The following COL24A1 variants were observed in gnomAD, a reference collection of about 807,000 sequenced individuals.
COL24A1 encodes the protein collagen alpha-1(XXIV) chain.
COL24A1 carries 224 observed loss-of-function variants against 253.9 expected under a neutral mutation model. The ratio of observed to expected loss-of-function variants is 0.88; its 90% CI spans 0.79 to 0.99. The LOEUF is 0.99. Ranked by LOEUF, COL24A1 falls within the 50% of genes least tolerant of loss-of-function variation. The pLI is 0.00. For missense variants in COL24A1, 2,131 were observed against 2,068.5 expected (o/e 1.03, Z -0.59); for synonymous variants, 685 against 673.7 (o/e 1.02, Z -0.26).
chr1:85,755,925 T>A (rs1468724513), intron 55 of COL24A1, among the ~76,000 whole-genome samples: 2 of 143,130 alleles, frequency 1.4e-5, no homozygotes, highest in Admixed American at 7.0e-5. Context: ...AAAAAACTTC[T>A]GTGCATCAAG....
chr1:86,112,737 G>C, intron 4 of COL24A1, 117 bp from the exon 5 acceptor site: 2 of 901,828 alleles, frequency 2.2e-6, no homozygotes, highest in Non-Finnish European at 3.4e-6. Context: ...TTTTGCTTAT[G>C]TTATTATGTA....
intron 32 of COL24A1, 27 bp from the exon 33 acceptor site, chr1:85,877,202 G>C: frequency 1.3e-6 from 2 of 1,531,946 alleles, no homozygotes; most frequent in Non-Finnish European, 8.8e-7. Context: ...TTTAAGATAT[G>C]AGAATAAAAG....
At chr1:85,882,462 TCAAAAAACAAAAAA>T (rs532970375) in intron 32 of COL24A1, among the ~76,000 whole-genome samples, 5 of 152,032 alleles carry the variant, frequency 3.3e-5, no homozygotes, top group South Asian at 4.2e-4. Flanking sequence ...AGACTCCGTC[TCAAAAAACAAAAAA>T]CAAAAAACAA....
intron 52 of COL24A1, among the ~76,000 whole-genome samples, chr1:85,776,397 G>A (rs61783134): frequency 6.6e-6 from 1 of 151,890 alleles, no homozygotes; most frequent in Non-Finnish European, 1.5e-5. Context: ...CACTTGAAAC[G>A]AATGTAGTTT....
intron 1 of COL24A1, chr1:86,154,722 A>AG (rs1326528476): frequency 6.5e-6 from 1 of 152,786 alleles, no homozygotes; most frequent in African/African-American, 2.4e-5. Flanking sequence ...ACAACTACCA[A>AG]GGGGAGTGTT....
intron 24 of COL24A1, among the ~76,000 whole-genome samples, chr1:85,934,542 A>T (rs1688087993): frequency 6.6e-6 from 1 of 152,162 alleles, no homozygotes; most frequent in Admixed American, 6.6e-5. Flanking sequence ...ATTAGTTATT[A>T]TCTATCATGA....
At chr1:85,763,760 G>T (rs1245823440) in intron 53 of COL24A1, among the ~76,000 whole-genome samples, 1 of 152,004 alleles carries the variant, frequency 6.6e-6, no homozygotes, top group African/African-American at 2.4e-5. Context: ...CTCCCAAAGT[G>T]CTGGGATTAC....
At chr1:85,971,514 C>A in intron 20 of COL24A1, 121 bp from the exon 21 acceptor site, 1 of 803,030 alleles carries the variant, frequency 1.2e-6, no homozygotes. Context: ...ATTAAGAAGT[C>A]CTCAAAATGG....
rs574662615 is a variant in COL24A1, at chr1:86,041,523, T to C, written c.1950+5302A>G. 7.9e-5 allele frequency among the ~76,000 whole-genome samples: 12 copies of C among 152,260 alleles called. 1 individual carries two copies. The highest frequency in any genetic ancestry group is 2.9e-4 in the African/African-American group (12 of 41,580). Reference sequence around the variant, plus strand: ...TGTAAATGCTTTTTTTAAAAGCAACTATAGAATTTCCTGATTGTAGCACTA... The same window carrying C: ...TGTAAATGCTTTTTTTAAAAGCAACCATAGAATTTCCTGATTGTAGCACTA... On this transcript the variant is annotated intron_variant, in intron 12 of 59. Transcript: ENST00000370571.
intron 55 of COL24A1, among the ~76,000 whole-genome samples, chr1:85,759,057 T>A (rs1666571996): frequency 6.6e-6 from 1 of 152,126 alleles, no homozygotes; most frequent in African/African-American, 2.4e-5. Context: ...TAAATTGGTC[T>A]TATGATCCGC....
Position 86,108,647 on chromosome 1 carries a change from AAAAT to A in COL24A1, c.1599+3916_1599+3919del, listed in dbSNP as rs1424851801. 8.0e-4 allele frequency among the ~76,000 whole-genome samples: 79 copies of A among 98,314 alleles called. No homozygotes were observed. In the Middle Eastern group the frequency reaches 0.024, roughly 30 times the overall value. The allele number at this position is 98,314 out of a possible 152,430, so 64.5% of individuals were successfully genotyped here. On this transcript the variant is annotated intron_variant, in intron 5 of 59. Transcript: ENST00000370571. ...AAAAAAAAAAAAAAAAAAAAAAAAAAAAATTTTAAATTAGCCAGGCATGGTGGCA... is the reference window on the plus strand; with the variant it reads ...AAAAAAAAAAAAAAAAAAAAAAAAAATTTAAATTAGCCAGGCATGGTGGCA...
chr1:86,006,528 A>T (rs899315147), intron 19 of COL24A1, among the ~76,000 whole-genome samples: 1 of 152,194 alleles, frequency 6.6e-6, no homozygotes, highest in Non-Finnish European at 1.5e-5. Context: ...TAGATCACAG[A>T]CCTAATGTAA....
At chr1:86,074,809 A>T (rs952768584) in intron 7 of COL24A1, among the ~76,000 whole-genome samples, 2 of 152,180 alleles carry the variant, frequency 1.3e-5, no homozygotes, top group African/African-American at 4.8e-5. Flanking sequence ...CTACTGGGTA[A>T]ATAACAAAAT....
chr1:86,051,290 T>C (rs550489282), intron 10 of COL24A1, among the ~76,000 whole-genome samples: 1 of 152,210 alleles, frequency 6.6e-6, no homozygotes, highest in South Asian at 2.1e-4. Context: ...AAGAGGGTCA[T>C]ACAAATAAAT....
Position 86,031,871 on chromosome 1 carries a change from TACTC to T in COL24A1, c.2049+3_2049+6del, listed in dbSNP as rs1559067189. On this transcript the variant is annotated splice_donor_5th_base_variant and intron_variant, in intron 14 of 59. Transcript: ENST00000370571. ...TCTTAAGAATGATGATATTTAGTGA[TACTC>T]ACTCTAAGCCCAGGAAACCCCGGAG... The T allele has an allele frequency of 2.5e-6, 4 of 1,599,596 alleles. No individual in the cohort carries two copies. The highest frequency in any genetic ancestry group is 3.4e-6 in the Non-Finnish European group (4 of 1,172,224).
At chr1:85,852,735 T>C (rs779919699) in intron 37 of COL24A1, among the ~76,000 whole-genome samples, 2 of 152,226 alleles carry the variant, frequency 1.3e-5, no homozygotes, top group Non-Finnish European at 2.9e-5. Context: ...ATTTTGTGGC[T>C]AATTGTGTTG....
chr1:86,057,750 A>G (rs1409370839), intron 10 of COL24A1, among the ~76,000 whole-genome samples, 181 bp downstream of exon 10: 3 of 152,228 alleles, frequency 2.0e-5, no homozygotes, highest in African/African-American at 7.2e-5. Flanking sequence ...AAAACCTACC[A>G]CAATGAGACT....
intron 24 of COL24A1, among the ~76,000 whole-genome samples, chr1:85,925,280 T>A (rs1459036081): frequency 6.6e-6 from 1 of 152,186 alleles, no homozygotes; most frequent in African/African-American, 2.4e-5. Flanking sequence ...GCCATCCCCA[T>A]GAAGCTACCA....
At chr1:85,873,465 T>G (rs1258611356) in intron 35 of COL24A1, among the ~76,000 whole-genome samples, 1 of 152,170 alleles carries the variant, frequency 6.6e-6, no homozygotes, top group African/African-American at 2.4e-5. Context: ...TAGACTGGAT[T>G]AAGAAAATGT....
Sources: gnomAD v4.1 joint callset for allele counts (sites outside exome capture counted in the v4.1 genomes callset) on GRCh38, gnomAD v4.1.1 for gene constraint, MANE v1.5 for transcripts, NCBI Gene and HGNC (gene_info 2026-07-23, HGNC 2026-07-21) for gene names.